LARGE1: variants seen among roughly 807,000 people sequenced by gnomAD.
The protein encoded by LARGE1 is LARGE xylosyl- and glucuronyltransferase 1, also known as xylosyl- and glucuronyltransferase LARGE1.
Under a neutral mutation model 87.6 loss-of-function variants are expected in LARGE1, and 43 were observed. The observed-to-expected ratio is 0.49, with a 90% confidence interval of 0.38 to 0.63. The LOEUF (loss-of-function observed/expected upper bound fraction) is 0.63. Ranked by LOEUF, LARGE1 falls within the 30% of genes least tolerant of loss-of-function variation. LARGE1 has a pLI of 0.00. For synonymous variants in LARGE1, 434 were observed against 394.6 expected (o/e 1.10, Z -1.18); for missense variants, 802 against 1,000.2 (o/e 0.80, Z 2.67).
intron 7 of LARGE1, among the ~76,000 whole-genome samples, chr22:33,423,096 C>T (rs1415772202): frequency 6.6e-6 from 1 of 151,372 alleles, no homozygotes; most frequent in Non-Finnish European, 1.5e-5. Flanking sequence ...TGATACTTTA[C>T]CAAGAGTTGT....
At chr22:33,559,314 T>C (rs1475287691) in intron 6 of LARGE1, among the ~76,000 whole-genome samples, 1 of 152,224 alleles carries the variant, frequency 6.6e-6, no homozygotes, top group Non-Finnish European at 1.5e-5. Flanking sequence ...CCTGAGTAGC[T>C]GGGATTACAG....
At chr22:33,565,894 G>C (rs937394872) in intron 5 of LARGE1, among the ~76,000 whole-genome samples, 1 of 152,220 alleles carries the variant, frequency 6.6e-6, no homozygotes, top group African/African-American at 2.4e-5. Flanking sequence ...CCAGTGTGAT[G>C]AAAGCTCTCA....
At position 33,337,645 on chromosome 22, in the gene LARGE1, C is replaced by T. The variant is rs1381780038; in HGVS notation, c.1287+1G>A. 4 of 1,614,104 alleles carry T rather than the reference C, an allele frequency of 2.5e-6. No homozygotes were observed. Among genetic ancestry groups the T allele is most frequent in the Non-Finnish European group, 2.5e-6 (3 of 1,180,014 alleles). ...CCTGCCCAGCCTTGCGAGCCACTTA[C>T]GTTTTCACTGTTGACATCAGCCTCA... On this transcript the variant is annotated splice_donor_variant, in intron 10 of 14. Transcript: ENST00000397394. LOFTEE classifies it high-confidence loss of function.
intron 11 of LARGE1, among the ~76,000 whole-genome samples, chr22:33,256,964 G>T (rs980045622): frequency 6.6e-6 from 1 of 152,172 alleles, no homozygotes; most frequent in East Asian, 1.9e-4. Flanking sequence ...CCAGCACTTC[G>T]GGAGGCCAAG....
rs368165934 is a variant in LARGE1 at position 33,240,044 on chromosome 22, A to T, written c.1730+64185T>A. Among the ~76,000 whole-genome samples the T allele has an allele frequency of 9.8e-5, 15 of 152,316 alleles. No individual in the cohort carries two copies. In the South Asian group the frequency reaches 2.1e-3, roughly 21 times the overall value. ...GTGAAAAGCCTAGTCATCGTGGAGA[A>T]GTGCATTCAACTTTGTAAGAAACTG... is the stretch of plus-strand genomic sequence containing the variant. On this transcript the variant is annotated intron_variant, in intron 11 of 11. Coordinates refer to the LARGE1 transcript ENST00000608642.
chr22:33,120,696 T>C, the LARGE1 span, among the ~76,000 whole-genome samples: 3 of 151,968 alleles, frequency 2.0e-5, no homozygotes, highest in Non-Finnish European at 4.4e-5. Context: ...TTTGTATTTT[T>C]AGTAGAGACA....
At chr22:33,682,455 T>C (rs1257087071) in intron 2 of LARGE1, among the ~76,000 whole-genome samples, 2 of 152,150 alleles carry the variant, frequency 1.3e-5, no homozygotes, top group Non-Finnish European at 2.9e-5. Flanking sequence ...GCTTCTGCCA[T>C]TGCCCCCAAA....
At chr22:33,747,855 G>A (rs2084150688) in intron 2 of LARGE1, 1 of 151,978 alleles carries the variant, frequency 6.6e-6, no homozygotes, top group East Asian at 1.9e-4. Context: ...TAGGTTATGG[G>A]GGGATTATTT....
intron 3 of LARGE1, among the ~76,000 whole-genome samples, chr22:33,633,404 C>T (rs2080169287): frequency 6.6e-6 from 1 of 152,172 alleles, no homozygotes; most frequent in African/African-American, 2.4e-5. Context: ...TTGTCAGCCT[C>T]CATGAAAACC....
At chr22:33,104,889 C>CTCTCTCTTTCTTTCTT in the LARGE1 span, among the ~76,000 whole-genome samples, 209 of 89,200 alleles carry the variant, frequency 2.3e-3, no homozygotes, top group East Asian at 0.015. Context: ...GACTTTCTCT[C>CTCTCTCTTTCTTTCTT]TCTTTCTTTC....
intron 6 of LARGE1, among the ~76,000 whole-genome samples, chr22:33,455,016 A>T (rs1444943284): frequency 1.3e-5 from 2 of 152,212 alleles, no homozygotes; most frequent in African/African-American, 4.8e-5. Context: ...TGCTAAAAGC[A>T]ATCCACAGAT....
At position 33,645,578 on chromosome 22, in the gene LARGE1, C is replaced by T. The variant is rs1224132737; in HGVS notation, c.408+4789G>A. ...ACACCAAAAGCAGTGGCAACAAAAG[C>T]CAAAATTGACAAATGGGATCTAATT... On this transcript the variant is annotated intron_variant, in intron 3 of 14. Transcript: ENST00000397394. 5.9e-5 allele frequency among the ~76,000 whole-genome samples: 9 copies of T among 152,172 alleles called. No homozygotes were observed. In the East Asian group the frequency reaches 1.7e-3, roughly 29 times the overall value.
In LARGE1 at chr22:33,458,207, T is replaced by C. The variant is rs528548565; in HGVS notation, c.788-25942A>G. On this transcript the variant is annotated intron_variant, in intron 6 of 14. Transcript: ENST00000397394. Reference sequence around the variant, plus strand: ...CTGCAAGCTCCATCTCCCGGGTTCATGCCATTCTCCTGCCTCAGCCTCCCA... The same window carrying C: ...CTGCAAGCTCCATCTCCCGGGTTCACGCCATTCTCCTGCCTCAGCCTCCCA... Among the ~76,000 whole-genome samples, 333 of 148,248 alleles carry C rather than the reference T, an allele frequency of 2.2e-3. 1 individual carries two copies. The highest frequency in any genetic ancestry group is 7.8e-3 in the African/African-American group (315 of 40,214).
chr22:33,889,120 T>C (rs1209337716), intron 1 of LARGE1: 1 of 152,230 alleles, frequency 6.6e-6, no homozygotes, highest in Non-Finnish European at 1.5e-5. Context: ...AGATGCCACC[T>C]GCCCCTAAAA....
chr22:33,492,200 G>T (rs1351457960), intron 6 of LARGE1, among the ~76,000 whole-genome samples: 5 of 152,234 alleles, frequency 3.3e-5, no homozygotes, highest in African/African-American at 9.7e-5. Context: ...TGCAAGGGAG[G>T]CATGGTGACA....
intron 2 of LARGE1, among the ~76,000 whole-genome samples, chr22:33,710,727 A>G (rs961307967): frequency 2.6e-5 from 4 of 152,244 alleles, no homozygotes; most frequent in African/African-American, 7.2e-5. Context: ...ATAAATCAAG[A>G]TCACCACAAT....
intron 11 of LARGE1, among the ~76,000 whole-genome samples, chr22:33,241,603 TATATATGTATCTATGTAC>T (rs1160525659): frequency 3.3e-5 from 5 of 151,934 alleles, no homozygotes; most frequent in Admixed American, 3.3e-4. Flanking sequence ...TATATGTACA[TATATATGTATCTATGTAC>T]ATATATGTAT....
At chr22:33,548,505 T>TCCATCG (rs1207240607) in intron 6 of LARGE1, among the ~76,000 whole-genome samples, 1 of 152,142 alleles carries the variant, frequency 6.6e-6, no homozygotes, top group African/African-American at 2.4e-5. Flanking sequence ...AATCTCCACC[T>TCCATCG]CCCGGGTACA....
At chr22:33,347,559 T>C (rs1240736828) in intron 9 of LARGE1, among the ~76,000 whole-genome samples, 1 of 152,140 alleles carries the variant, frequency 6.6e-6, no homozygotes, top group East Asian at 1.9e-4. Flanking sequence ...CTTGAAGGAG[T>C]TTAAGCTCCC....
Sources: gnomAD v4.1 joint callset for allele counts (sites outside exome capture counted in the v4.1 genomes callset) on GRCh38, gnomAD v4.1.1 for gene constraint, MANE v1.5 for transcripts, NCBI Gene and HGNC (gene_info 2026-07-23, HGNC 2026-07-21) for gene names.